Variants in ERI1 observed in about 807,000 individuals in gnomAD.
The protein encoded by ERI1 is exoribonuclease 1.
ERI1 carries 39 observed loss-of-function variants against 39.7 expected under a neutral mutation model. The ratio of observed to expected loss-of-function variants is 0.98; its 90% confidence interval spans 0.76 to 1.28. The LOEUF is 1.28. Among genes scored for constraint, ERI1 ranks in the 50% most tolerant of loss-of-function variants. The probability of loss-of-function intolerance (pLI) is 0.00; values close to 1 mark genes in which losing one functional copy is unlikely to be tolerated. For missense variants in ERI1, 581 were observed against 416.9 expected (o/e 1.39, Z -3.43); for synonymous variants, 204 against 149.6 (o/e 1.36, Z -2.65).
chr8:9,041,113 G>T (rs753513816), intron 3 of ERI1, among the ~76,000 whole-genome samples: 12 of 152,226 alleles, frequency 7.9e-5, no homozygotes, highest in Admixed American at 5.9e-4. Flanking sequence ...CGCATGAAGA[G>T]TACAGTGGGG....
At chr8:9,075,592 G>C (rs993385934) in intron 3 of ERI1, among the ~76,000 whole-genome samples, 1 of 149,816 alleles carries the variant, frequency 6.7e-6, no homozygotes, top group African/African-American at 2.5e-5. Context: ...CATGCATTTT[G>C]TTGTTGTTGT....
intron 2 of ERI1, among the ~76,000 whole-genome samples, chr8:9,008,810 C>G (rs959397609): frequency 6.6e-6 from 1 of 152,122 alleles, no homozygotes; most frequent in Admixed American, 6.5e-5. Context: ...AACGGTAGAA[C>G]TGCCAGGCAT....
At chr8:9,053,041 G>A (rs1182650019) in intron 3 of ERI1, among the ~76,000 whole-genome samples, 2 of 152,134 alleles carry the variant, frequency 1.3e-5, no homozygotes, top group Non-Finnish European at 2.9e-5. Flanking sequence ...GTTTGAGACG[G>A]AGTCTTGCTC....
rs1274344067 is a variant in ERI1, at chr8:9,030,901, A to G, written c.*867A>G. On this transcript the variant is annotated 3_prime_UTR_variant, in exon 7 of 7. Coordinates refer to ENST00000250263, the MANE Select transcript of ERI1 (RefSeq NM_153332.4). ...GAGGTTAATAAAGTCAATACTTTCT[A>G]CCATATATTACGTTTTTGTTATTAA... 1 of 152,226 alleles carries G rather than the reference A, an allele frequency of 6.6e-6. No homozygotes were observed. The highest frequency in any genetic ancestry group is 1.5e-5 in the Non-Finnish European group (1 of 68,026). 9.4% of individuals were successfully genotyped at this position (152,226 alleles called of 1,614,324 possible).
intron 1 of ERI1, chr8:9,003,940 T>G (rs1815662963): frequency 2.0e-6 from 1 of 506,558 alleles, no homozygotes; most frequent in South Asian, 1.6e-5. Context: ...ATCTGGCAGC[T>G]AGAATGAGCT....
chr8:9,021,581 C>G (rs753137342), intron 6 of ERI1, among the ~76,000 whole-genome samples: 2 of 152,142 alleles, frequency 1.3e-5, no homozygotes, highest in African/African-American at 4.8e-5. Context: ...AGCAAATACC[C>G]TTGTAACTTC....
At chr8:9,067,799 A>G (rs943560594) in intron 3 of ERI1, among the ~76,000 whole-genome samples, 1 of 152,122 alleles carries the variant, frequency 6.6e-6, no homozygotes, top group African/African-American at 2.4e-5. Flanking sequence ...TAGTCTGAGC[A>G]GAACTGGGAC....
intron 4 of ERI1, among the ~76,000 whole-genome samples, chr8:9,016,844 A>G (rs1289922697): frequency 6.6e-6 from 1 of 151,498 alleles, no homozygotes; most frequent in African/African-American, 2.4e-5. Flanking sequence ...TTGCCACCAC[A>G]CCCGGCTAAT....
Position 9,002,996 on chromosome 8 carries a change from C to G in ERI1, c.-68C>G, listed in dbSNP as rs1466792187. Reference sequence around the variant, plus strand: ...TTTCAACGGAGAAAGGCGAGGCTTTCGGGCTCTGCAGAGTGAGAGTTAGCA... The same window carrying G: ...TTTCAACGGAGAAAGGCGAGGCTTTGGGGCTCTGCAGAGTGAGAGTTAGCA... On this transcript the variant is annotated 5_prime_UTR_variant, in exon 1 of 7. Coordinates refer to ENST00000250263, the MANE Select transcript of ERI1 (RefSeq NM_153332.4). 2 of 1,070,400 alleles carry G rather than the reference C, an allele frequency of 1.9e-6. No homozygotes were observed. Among genetic ancestry groups the G allele is most frequent in the African/African-American group, 3.3e-5 (2 of 61,264 alleles). The allele number at this position is 1,070,400 out of a possible 1,614,324, so 66.3% of individuals were successfully genotyped here. A position where few individuals can be genotyped will look rare whatever the true frequency, so the allele number is the denominator to read the frequency against.
chr8:9,052,461 G>A (rs905132377), intron 3 of ERI1, among the ~76,000 whole-genome samples: 2 of 152,154 alleles, frequency 1.3e-5, no homozygotes, highest in Non-Finnish European at 2.9e-5. Flanking sequence ...AGAGCACTGA[G>A]TCTCTGGGAT....
chr8:9,064,181 G>A (rs1025326456), intron 3 of ERI1, among the ~76,000 whole-genome samples: 8 of 119,610 alleles, frequency 6.7e-5, no homozygotes, highest in East Asian at 2.0e-4. Flanking sequence ...ATAAGGGATC[G>A]GGGGGTTCTT....
At position 9,018,371 on chromosome 8, in the gene ERI1, A is replaced by G. The variant is rs530271142; in HGVS notation, c.657A>G (p.Leu219=). ...TTGACTGGATGAAATTGAAGGAATT[A>G]GGAACAAAGTATAAATACTCACTTT... ...KVIDWMKLKE[L]GTKYKYSLLT... is the part of the protein sequence containing the mutation. Residue 219 remains leucine (L), a synonymous_variant, in exon 5 of 7, where the codon TTA becomes TTG. Transcript: ENST00000250263. 2 of 1,608,398 alleles carry G rather than the reference A, an allele frequency of 1.2e-6. No individual in the cohort carries two copies. The highest frequency in any genetic ancestry group is 2.7e-5 in the African/African-American group (2 of 74,962).
intron 3 of ERI1, among the ~76,000 whole-genome samples, chr8:9,077,571 G>T (rs188318588): frequency 1.3e-4 from 20 of 152,298 alleles, no homozygotes; most frequent in African/African-American, 4.8e-4. Flanking sequence ...AGACAGAGGG[G>T]CAGAAATGCA....
At chr8:9,082,268 A>G (rs1433779457) in intron 3 of ERI1, among the ~76,000 whole-genome samples, 1 of 152,196 alleles carries the variant, frequency 6.6e-6, no homozygotes, top group East Asian at 1.9e-4. Context: ...TCCTTTTACC[A>G]GAACTTCTGG....
At chr8:9,012,008 A>ATC (rs1816723556) in intron 3 of ERI1, among the ~76,000 whole-genome samples, 1 of 147,560 alleles carries the variant, frequency 6.8e-6, no homozygotes, top group South Asian at 2.3e-4. Flanking sequence ...GGGTGTGGAC[A>ATC]TCAGAATCTC....
At chr8:9,008,789 G>T (rs959713557) in intron 2 of ERI1, among the ~76,000 whole-genome samples, 2 of 152,034 alleles carry the variant, frequency 1.3e-5, no homozygotes, top group Admixed American at 6.6e-5. Flanking sequence ...AAAATACATC[G>T]ATTTTTGATA....
intron 3 of ERI1, among the ~76,000 whole-genome samples, chr8:9,050,086 A>AC (rs1411475007): frequency 1.3e-5 from 2 of 151,980 alleles, no homozygotes; most frequent in East Asian, 3.9e-4. Context: ...CTAATACTAT[A>AC]CCCCTCACAG....
intron 3 of ERI1, among the ~76,000 whole-genome samples, chr8:9,040,738 G>GGGT (rs1563350447): frequency 6.6e-6 from 1 of 150,680 alleles, no homozygotes; most frequent in African/African-American, 2.4e-5. Flanking sequence ...GTGGGGGGGG[G>GGGT]GTGTGTGTTA....
Position 9,031,541 on chromosome 8 carries a change from G to C in ERI1, c.*1507G>C, listed in dbSNP as rs1797590469. The C allele has an allele frequency of 6.6e-6, 1 of 152,178 alleles. No homozygotes were observed. Among genetic ancestry groups the C allele is most frequent in the Non-Finnish European group, 1.5e-5 (1 of 68,016 alleles). The allele number at this position is 152,178 out of a possible 1,614,324, so 9.4% of individuals were successfully genotyped here. On this transcript the variant is annotated 3_prime_UTR_variant, in exon 7 of 7. Transcript: ENST00000250263. ...TATGCTGAGATGTTTGTGCATCCCA[G>C]ATAGCACTGTACAATAACCTGTAAA... is the stretch of plus-strand genomic sequence containing the variant.
Sources: allele counts gnomAD v4.1 joint callset (sites outside exome capture counted in the v4.1 genomes callset), GRCh38; gene constraint gnomAD v4.1.1; transcripts MANE v1.5; gene names NCBI Gene and HGNC (gene_info 2026-07-23, HGNC 2026-07-21).